The following PTP4A3 variants were observed in gnomAD, a reference collection of about 807,000 sequenced individuals.
PTP4A3 encodes the protein protein tyrosine phosphatase 4A3.
In PTP4A3, 9 loss-of-function variants were observed where a neutral mutation model predicts 15.2. That is an observed-to-expected ratio of 0.59 (90% CI 0.36 to 1.03). The LOEUF is 1.03. Ranked by LOEUF, PTP4A3 falls within the 50% of genes least tolerant of loss-of-function variation. The pLI, the probability that PTP4A3 is intolerant of heterozygous loss-of-function variation, is 0.02. For missense variants in PTP4A3, 234 were observed against 252.1 expected (o/e 0.93, Z 0.49); for synonymous variants, 95 against 102.0 (o/e 0.93, Z 0.41).
At chr8:141,393,364 C>T (rs1431176483) in intron 1 of PTP4A3, among the ~76,000 whole-genome samples, 3 of 152,196 alleles carry the variant, frequency 2.0e-5, no homozygotes, top group Admixed American at 6.5e-5. Flanking sequence ...ATCACCACGC[C>T]GGCCCCCCTC....
At chr8:141,426,344 A>G in intron 3 of PTP4A3, 1 of 743,620 alleles carries the variant, frequency 1.3e-6, no homozygotes, top group East Asian at 1.3e-4. Flanking sequence ...TGGGAAGCAC[A>G]GGTCATCTTC....
intron 1 of PTP4A3, among the ~76,000 whole-genome samples, chr8:141,404,391 G>A (rs568407139): frequency 6.6e-6 from 1 of 152,364 alleles, no homozygotes; most frequent in South Asian, 2.1e-4. Context: ...GGATTGGAGG[G>A]TCCATTGGGG....
Position 141,431,119 on chromosome 8 carries a change from G to C in PTP4A3, c.*75G>C. 1 of 1,424,506 alleles carries C rather than the reference G, an allele frequency of 7.0e-7. No individual in the cohort carries two copies. Among genetic ancestry groups the C allele is most frequent in the Admixed American group, 1.8e-5 (1 of 56,940 alleles). The allele number at this position is 1,424,506 out of a possible 1,614,324, so 88.2% of individuals were successfully genotyped here. ...GGACCTGGAGGCCCTGCCCAGCCCT[G>C]CTCTGCCCAGCCCAGCAGGGGCTCC... On this transcript the variant is annotated 3_prime_UTR_variant, in exon 6 of 6. Transcript: ENST00000521578.
At chr8:141,424,309 G>A (rs1409114692) in intron 2 of PTP4A3, among the ~76,000 whole-genome samples, 2 of 152,196 alleles carry the variant, frequency 1.3e-5, no homozygotes, top group Admixed American at 6.5e-5. Flanking sequence ...CCTCCGCAGT[G>A]GGGGTATAAC....
At position 141,427,826 on chromosome 8, in the gene PTP4A3, T is replaced by C. The variant is rs1403239073; in HGVS notation, c.404+2T>C. 6 of 1,549,464 alleles carry C rather than the reference T, an allele frequency of 3.9e-6. No homozygotes were observed. Among genetic ancestry groups the C allele is most frequent in the Admixed American group, 2.0e-5 (1 of 51,080 alleles). The stretch of plus-strand genomic sequence containing the variant: ...GGACGCCATCCAGTTCATCCGCCAG[T>C]GAGTGGCCGCGGTGGTGGGGTGGGC... On this transcript the variant is annotated splice_donor_variant, in intron 5 of 5. Coordinates refer to ENST00000521578, the MANE Select transcript of PTP4A3 (RefSeq NM_032611.3). LOFTEE classifies it high-confidence loss of function.
chr8:141,410,763 A>G (rs947323353), intron 1 of PTP4A3, among the ~76,000 whole-genome samples: 1 of 152,114 alleles, frequency 6.6e-6, no homozygotes, highest in Admixed American at 6.5e-5. Flanking sequence ...CACAGCTCAC[A>G]ATGGGGAGCC....
At chr8:141,430,169 C>T (rs574872502) in intron 5 of PTP4A3, among the ~76,000 whole-genome samples, 3 of 146,116 alleles carry the variant, frequency 2.1e-5, no homozygotes, top group African/African-American at 5.2e-5. Context: ...GGTGAGCACA[C>T]AGTCCGGGTC....
At chr8:141,419,379 C>T (rs1363833540) in intron 1 of PTP4A3, among the ~76,000 whole-genome samples, 5 of 152,186 alleles carry the variant, frequency 3.3e-5, no homozygotes, top group Admixed American at 1.3e-4. Context: ...CTCCCGTGTG[C>T]ACACACACAG....
chr8:141,426,895 A>G (rs778633746), intron 3 of PTP4A3, 44 bp from the exon 4 acceptor site: 7 of 1,593,968 alleles, frequency 4.4e-6, no homozygotes, highest in African/African-American at 1.3e-5. Flanking sequence ...CCGCCTCTCT[A>G]CCCTCCCTCA....
At chr8:141,402,159 G>A (rs1239991543) in intron 1 of PTP4A3, among the ~76,000 whole-genome samples, 2 of 152,176 alleles carry the variant, frequency 1.3e-5, no homozygotes, top group African/African-American at 2.4e-5. Context: ...CCTGGGTGAC[G>A]GGTCTGAGGC....
chr8:141,405,157 C>T (rs1832691533), intron 1 of PTP4A3, among the ~76,000 whole-genome samples: 2 of 152,220 alleles, frequency 1.3e-5, no homozygotes, highest in Non-Finnish European at 2.9e-5. Flanking sequence ...AGCAGGACCT[C>T]TCTGGGACTG....
rs1323150171 is a variant in PTP4A3, at chr8:141,406,233, G to C, written c.-854+14149G>C. Among the ~76,000 whole-genome samples, 19 of 152,242 alleles carry C rather than the reference G, an allele frequency of 1.2e-4. No homozygotes were observed. Among genetic ancestry groups the C allele is most frequent in the Non-Finnish European group, 5.9e-5 (4 of 68,010 alleles). ...GGGCTCAGGTGTCACCATTTCACTTGTCGGCCACCCACGGCTGCTTCCTGC... is the reference window on the plus strand; with the variant it reads ...GGGCTCAGGTGTCACCATTTCACTTCTCGGCCACCCACGGCTGCTTCCTGC... On this transcript the variant is annotated intron_variant, in intron 1 of 5. Transcript: ENST00000521578. The surrounding 1 kb of genome is among the most constrained non-coding windows in gnomAD (Gnocchi z 4.5).
chr8:141,402,620 GCC>G (rs1832621313), intron 1 of PTP4A3, among the ~76,000 whole-genome samples: 1 of 152,170 alleles, frequency 6.6e-6, no homozygotes, highest in Non-Finnish European at 1.5e-5. Context: ...GGGGCAGGCA[GCC>G]CTGCCCCCGC....
chr8:141,426,565 C>T (rs879740135), intron 3 of PTP4A3: 9 of 985,442 alleles, frequency 9.1e-6, no homozygotes, highest in Non-Finnish European at 1.1e-5. Flanking sequence ...CAAAACCTCT[C>T]AGGCTGCCAC....
intron 1 of PTP4A3, among the ~76,000 whole-genome samples, chr8:141,396,890 A>G (rs1832465528): frequency 6.6e-6 from 1 of 152,124 alleles, no homozygotes. Flanking sequence ...GACACAGTGG[A>G]TGAACGATCC....
intron 1 of PTP4A3, among the ~76,000 whole-genome samples, chr8:141,405,271 G>A (rs1311106228): frequency 1.3e-5 from 2 of 152,222 alleles, no homozygotes; most frequent in African/African-American, 4.8e-5. Flanking sequence ...CCATGCAGAA[G>A]TGGCCCCCAG....
intron 1 of PTP4A3, among the ~76,000 whole-genome samples, chr8:141,409,250 C>G (rs1042431374): frequency 3.9e-5 from 6 of 152,238 alleles, no homozygotes; most frequent in Non-Finnish European, 8.8e-5. Context: ...ACAGCACTGC[C>G]AGACAGGGCA....
chr8:141,428,936 C>A (rs532399588), intron 5 of PTP4A3, among the ~76,000 whole-genome samples: 2 of 152,216 alleles, frequency 1.3e-5, no homozygotes, highest in East Asian at 3.8e-4. Context: ...CTCACACATG[C>A]GGGTGCACAC....
chr8:141,397,673 G>A (rs1410681887), intron 1 of PTP4A3, among the ~76,000 whole-genome samples: 1 of 152,248 alleles, frequency 6.6e-6, no homozygotes, highest in Non-Finnish European at 1.5e-5. Flanking sequence ...CTCGGTGGCT[G>A]TGGAGCCTGG....
Sources: gnomAD v4.1 joint callset for allele counts (sites outside exome capture counted in the v4.1 genomes callset) on GRCh38, gnomAD v4.1.1 for gene constraint, Gnocchi (gnomAD v3.1) non-coding constraint, MANE v1.5 for transcripts, NCBI Gene and HGNC (gene_info 2026-07-23, HGNC 2026-07-21) for gene names.